The following L3MBTL4 variants were observed in gnomAD, a reference collection of about 807,000 sequenced individuals.
L3MBTL4 encodes the protein L3MBTL histone methyl-lysine binding protein 4.
L3MBTL4 carries 70 observed loss-of-function variants against 84.5 expected under a neutral mutation model. That is an observed-to-expected ratio of 0.83 (90% confidence interval 0.68 to 1.01). L3MBTL4 has a LOEUF of 1.01. Ranked by LOEUF, L3MBTL4 falls within the 50% of genes least tolerant of loss-of-function variation. The pLI, the probability that L3MBTL4 is intolerant of heterozygous loss-of-function variation, is 0.00. For synonymous variants in L3MBTL4, 274 were observed against 259.8 expected (o/e 1.05, Z -0.52); for missense variants, 715 against 754.8 (o/e 0.95, Z 0.62).
intron 16 of L3MBTL4, among the ~76,000 whole-genome samples, chr18:6,004,125 A>G (rs2054351210): frequency 6.6e-6 from 1 of 152,178 alleles, no homozygotes. Flanking sequence ...AGTTGGCAAA[A>G]CTTTAGCTAG....
At chr18:6,030,645 C>T in intron 16 of L3MBTL4, 1 of 878,920 alleles carries the variant, frequency 1.1e-6, no homozygotes, top group African/African-American at 1.8e-5. Flanking sequence ...ATTACAGGTG[C>T]CTGCCACCAC....
At chr18:6,066,013 G>C (rs1357448643) in intron 16 of L3MBTL4, among the ~76,000 whole-genome samples, 1 of 151,858 alleles carries the variant, frequency 6.6e-6, no homozygotes, top group Non-Finnish European at 1.5e-5. Flanking sequence ...TTTCCTGTTT[G>C]GGCTGCTTTT....
intron 1 of L3MBTL4, among the ~76,000 whole-genome samples, chr18:6,357,890 A>G (rs915093706): frequency 1.3e-5 from 2 of 152,182 alleles, no homozygotes; most frequent in African/African-American, 4.8e-5. Flanking sequence ...TAGTGCTTCA[A>G]AGTTCAGAAC....
At chr18:6,163,020 T>C (rs900112332) in intron 13 of L3MBTL4, among the ~76,000 whole-genome samples, 1 of 151,962 alleles carries the variant, frequency 6.6e-6, no homozygotes, top group Non-Finnish European at 1.5e-5. Context: ...TTTAATAACG[T>C]GGAAAACGAG....
At chr18:6,132,466 G>T (rs1598855766) in intron 14 of L3MBTL4, among the ~76,000 whole-genome samples, 1 of 152,266 alleles carries the variant, frequency 6.6e-6, no homozygotes, top group East Asian at 1.9e-4. Flanking sequence ...CACCCCAGCA[G>T]CCCTGAGCAT....
rs80106097 is a variant in L3MBTL4, at chr18:6,029,630, A to G, written c.1444+51251T>C. 2.9e-3 allele frequency: 2,823 copies of G among 985,342 alleles called. 57 individuals carry two copies. The African/African-American group carries it at 0.044, about 15-fold the overall frequency. 61.0% of individuals were successfully genotyped at this position (985,342 alleles called of 1,614,324 possible). ...GGACGCAAGTTCTACATAAAGGAAA[A>G]CTTAAAATGCAATTACAGGACAGGA... On this transcript the variant is annotated intron_variant, in intron 16 of 18. Transcript: ENST00000317931.
chr18:6,005,277 C>A (rs2054421771), intron 16 of L3MBTL4, among the ~76,000 whole-genome samples: 2 of 151,724 alleles, frequency 1.3e-5, no homozygotes, highest in Non-Finnish European at 1.5e-5. Flanking sequence ...ACCCGGGAGG[C>A]AGAGGTTGCA....
At chr18:6,161,622 A>G (rs1332686887) in intron 13 of L3MBTL4, among the ~76,000 whole-genome samples, 3 of 152,226 alleles carry the variant, frequency 2.0e-5, no homozygotes, top group Non-Finnish European at 4.4e-5. Flanking sequence ...TAAAATGTGT[A>G]TAGAGAACCA....
chr18:6,204,120 T>G (rs540724648), intron 12 of L3MBTL4, among the ~76,000 whole-genome samples: 1 of 111,864 alleles, frequency 8.9e-6, no homozygotes, highest in East Asian at 2.6e-4. Flanking sequence ...GAAACACCAC[T>G]CCATCCTCTG....
At chr18:6,411,389 G>C (rs776341156) in intron 1 of L3MBTL4, among the ~76,000 whole-genome samples, 1 of 152,100 alleles carries the variant, frequency 6.6e-6, no homozygotes, top group Non-Finnish European at 1.5e-5. Flanking sequence ...AATGCTATTC[G>C]AATGAAGGGA....
rs773874916 is a variant in L3MBTL4, at chr18:6,080,955, G to A, written c.1374-4C>T. The A allele has an allele frequency of 3.8e-6, 6 of 1,595,324 alleles. No homozygotes were observed. Among genetic ancestry groups the A allele is most frequent in the African/African-American group, 2.7e-5 (2 of 74,762 alleles). Reference sequence around the variant, plus strand: ...ACACTTTGCCTGCTGTACAAGTCTGGGCAAAGAACAGAAATAAAATCTAGA... The same window carrying A: ...ACACTTTGCCTGCTGTACAAGTCTGAGCAAAGAACAGAAATAAAATCTAGA... On this transcript the variant is annotated splice_region_variant and splice_polypyrimidine_tract_variant and intron_variant, in intron 15 of 18. Coordinates refer to ENST00000317931, the MANE Select transcript of L3MBTL4 (RefSeq NM_001330559.2).
chr18:6,047,133 AT>A (rs1176199952), intron 16 of L3MBTL4, among the ~76,000 whole-genome samples: 1 of 152,198 alleles, frequency 6.6e-6, no homozygotes, highest in Non-Finnish European at 1.5e-5. Context: ...TATGCACACA[AT>A]CTGGAAAATC....
At chr18:6,293,363 C>T (rs1453218393) in intron 4 of L3MBTL4, among the ~76,000 whole-genome samples, 1 of 151,924 alleles carries the variant, frequency 6.6e-6, no homozygotes, top group Non-Finnish European at 1.5e-5. Flanking sequence ...TGTCAGAAAA[C>T]GTCGAAGTGC....
At chr18:6,407,836 A>G (rs1255893415) in intron 1 of L3MBTL4, among the ~76,000 whole-genome samples, 2 of 152,246 alleles carry the variant, frequency 1.3e-5, no homozygotes, top group Admixed American at 6.5e-5. Flanking sequence ...TGGAGAACAT[A>G]GAAAAGTAAA....
chr18:6,410,636 C>A (rs2055927266), intron 1 of L3MBTL4, among the ~76,000 whole-genome samples: 1 of 152,080 alleles, frequency 6.6e-6, no homozygotes, highest in Non-Finnish European at 1.5e-5. Flanking sequence ...TCTATCTGTC[C>A]CTCTAGTTAA....
chr18:6,364,247 G>T (rs1175008565), intron 1 of L3MBTL4, among the ~76,000 whole-genome samples: 1 of 151,872 alleles, frequency 6.6e-6, no homozygotes, highest in Non-Finnish European at 1.5e-5. Flanking sequence ...TTGTTTCAGA[G>T]AATATAACTA....
At chr18:5,994,413 C>T (rs1463787138) in intron 16 of L3MBTL4, among the ~76,000 whole-genome samples, 1 of 152,152 alleles carries the variant, frequency 6.6e-6, no homozygotes, top group African/African-American at 2.4e-5. Flanking sequence ...CCTTACTTAC[C>T]TTAGATGCTC....
intron 16 of L3MBTL4, among the ~76,000 whole-genome samples, chr18:6,062,181 T>A (rs776018986): frequency 6.6e-6 from 1 of 152,008 alleles, no homozygotes. Flanking sequence ...GAGACAAATT[T>A]CCCCAGTTTT....
chr18:5,976,123 T>C (rs1156695213), intron 16 of L3MBTL4, among the ~76,000 whole-genome samples: 1 of 152,176 alleles, frequency 6.6e-6, no homozygotes, highest in Admixed American at 6.6e-5. Flanking sequence ...CAGTAGCCAC[T>C]AGCCACACTA....
Sources: gnomAD v4.1 joint callset for allele counts (sites outside exome capture counted in the v4.1 genomes callset) on GRCh38, gnomAD v4.1.1 for gene constraint, MANE v1.5 for transcripts, NCBI Gene and HGNC (gene_info 2026-07-23, HGNC 2026-07-21) for gene names.